Variants in GABRB1 observed in about 807,000 individuals in gnomAD.
GABRB1 encodes gamma-aminobutyric acid receptor subunit beta-1.
Under a neutral mutation model 51.6 loss-of-function variants are expected in GABRB1, and 17 were observed. The ratio of observed to expected loss-of-function variants is 0.33; its 90% CI spans 0.23 to 0.49. The LOEUF is 0.49. GABRB1 is among the 20% of genes least tolerant of loss of function. The probability of loss-of-function intolerance (pLI) is 0.99; values close to 1 mark genes in which losing one functional copy is unlikely to be tolerated. For missense variants in GABRB1, 410 were observed against 600.6 expected (o/e 0.68, Z 3.32); for synonymous variants, 247 against 218.9 (o/e 1.13, Z -1.14).
intron 5 of GABRB1, among the ~76,000 whole-genome samples, chr4:47,392,338 CTT>C (rs5858067): frequency 2.8e-4 from 36 of 130,806 alleles, no homozygotes; most frequent in Admixed American, 1.2e-3. Flanking sequence ...TCCCTTCCAC[CTT>C]TTTTTTTTTT....
At chr4:47,167,316 G>A (rs770954437) in intron 4 of GABRB1, among the ~76,000 whole-genome samples, 6 of 151,942 alleles carry the variant, frequency 3.9e-5, no homozygotes, top group Admixed American at 2.0e-4. Flanking sequence ...CCATGTGCGC[G>A]CTGAAACACT....
intron 5 of GABRB1, among the ~76,000 whole-genome samples, chr4:47,392,425 C>T (rs1728031653): frequency 6.6e-6 from 1 of 150,766 alleles, no homozygotes; most frequent in African/African-American, 2.5e-5. Context: ...TCACTGCAAC[C>T]TCTGCCTCCC....
At chr4:47,248,079 T>G (rs747009338) in intron 4 of GABRB1, among the ~76,000 whole-genome samples, 1 of 152,102 alleles carries the variant, frequency 6.6e-6, no homozygotes, top group Non-Finnish European at 1.5e-5. Context: ...TGAACATCCT[T>G]GTCTTATTCC....
chr4:47,029,817 A>C (rs1424852271), upstream of GABRB1, among the ~76,000 whole-genome samples: 2 of 152,126 alleles, frequency 1.3e-5, no homozygotes, highest in Non-Finnish European at 2.9e-5. Context: ...TTCTCTTAAA[A>C]TAGAGGAGTA....
At chr4:47,157,153 C>G (rs1275762639) in intron 3 of GABRB1, among the ~76,000 whole-genome samples, 1 of 151,726 alleles carries the variant, frequency 6.6e-6, no homozygotes, top group Non-Finnish European at 1.5e-5. Context: ...CAAAGAATTC[C>G]CTATGGCCCA....
chr4:47,056,682 C>CA (rs939718616), intron 3 of GABRB1, among the ~76,000 whole-genome samples: 12 of 150,698 alleles, frequency 8.0e-5, no homozygotes, highest in African/African-American at 2.9e-4. Context: ...AGAAGGGCTA[C>CA]AAAAAAAAGG....
intron 4 of GABRB1, among the ~76,000 whole-genome samples, chr4:47,218,412 T>C (rs1349105484): frequency 2.0e-5 from 3 of 151,898 alleles, no homozygotes; most frequent in Non-Finnish European, 4.4e-5. Context: ...GAAACCTCCA[T>C]AGTTTTTTGC....
chr4:47,031,876 T>C (rs1452295192), intron 1 of GABRB1, 38 bp from the exon 2 acceptor site: 4 of 1,577,412 alleles, frequency 2.5e-6, no homozygotes, highest in African/African-American at 2.7e-5. Flanking sequence ...TCACAGTTTG[T>C]GCTCATTTTG....
intron 5 of GABRB1, among the ~76,000 whole-genome samples, chr4:47,347,828 T>C (rs1050670246): frequency 3.3e-5 from 5 of 152,194 alleles, no homozygotes; most frequent in Admixed American, 2.0e-4. Flanking sequence ...ACAATGAAGA[T>C]GATGTTAACA....
chr4:47,242,728 G>C lies in GABRB1; in HGVS notation c.462-77399G>C, dbSNP rs186199004. Among the ~76,000 whole-genome samples the C allele has an allele frequency of 7.3e-3, 1,115 of 152,172 alleles. 9 individuals are homozygous for C. The highest frequency in any genetic ancestry group is 0.025 in the African/African-American group (1,056 of 41,516). On this transcript the variant is annotated intron_variant, in intron 4 of 8. Coordinates refer to ENST00000295454, the MANE Select transcript of GABRB1 (RefSeq NM_000812.4). ...CATATCCTTTGCCCACTTTTTGATGGGGTTGTTTGATTTTTTCTTGTAAAT... is the reference window on the plus strand; with the variant it reads ...CATATCCTTTGCCCACTTTTTGATGCGGTTGTTTGATTTTTTCTTGTAAAT...
chr4:47,243,803 T>A (rs867370687), intron 4 of GABRB1, among the ~76,000 whole-genome samples: 2 of 152,230 alleles, frequency 1.3e-5, no homozygotes, highest in African/African-American at 4.8e-5. Flanking sequence ...TGGGGTTTTC[T>A]AAATCTATAA....
intron 8 of GABRB1, among the ~76,000 whole-genome samples, chr4:47,424,231 T>G (rs895380503): frequency 3.3e-5 from 5 of 152,226 alleles, no homozygotes; most frequent in Non-Finnish European, 7.3e-5. Flanking sequence ...TAGAAAGAGC[T>G]TGAGCTTTGA....
intron 5 of GABRB1, among the ~76,000 whole-genome samples, chr4:47,327,566 G>C (rs1200878354): frequency 6.6e-6 from 1 of 152,032 alleles, no homozygotes; most frequent in African/African-American, 2.4e-5. Flanking sequence ...TCAGACAAAG[G>C]TAACACTTAG....
At chr4:47,070,617 C>A (rs1371622700) in intron 3 of GABRB1, among the ~76,000 whole-genome samples, 1 of 152,122 alleles carries the variant, frequency 6.6e-6, no homozygotes, top group Admixed American at 6.5e-5. Flanking sequence ...CAGCCATGAG[C>A]CACCGCGCCC....
chr4:47,337,673 G>A (rs922397572), intron 5 of GABRB1, among the ~76,000 whole-genome samples: 1 of 151,790 alleles, frequency 6.6e-6, no homozygotes, highest in African/African-American at 2.4e-5. Flanking sequence ...AGCTAGGTTT[G>A]GTGGCACACA....
intron 3 of GABRB1, among the ~76,000 whole-genome samples, chr4:47,059,890 C>T (rs1726773958): frequency 6.6e-6 from 1 of 152,196 alleles, no homozygotes; most frequent in African/African-American, 2.4e-5. Context: ...GTAAAATCTA[C>T]CCGCTGTCAA....
intron 4 of GABRB1, among the ~76,000 whole-genome samples, chr4:47,211,926 C>T (rs748095991): frequency 3.3e-5 from 5 of 152,110 alleles, no homozygotes; most frequent in Non-Finnish European, 7.4e-5. Context: ...AGCACCCAGG[C>T]AAATAATCCA....
At chr4:47,107,249 A>G (rs895991952) in intron 3 of GABRB1, among the ~76,000 whole-genome samples, 3 of 152,012 alleles carry the variant, frequency 2.0e-5, no homozygotes, top group Non-Finnish European at 4.4e-5. Context: ...CACTACCATC[A>G]ATATTAAGTG....
At chr4:47,261,117 G>A (rs562854451) in intron 4 of GABRB1, among the ~76,000 whole-genome samples, 9 of 152,266 alleles carry the variant, frequency 5.9e-5, no homozygotes, top group Admixed American at 2.0e-4. Flanking sequence ...AAAACTGGAC[G>A]CATTCCCTTT....
Sources: allele counts gnomAD v4.1 joint callset (sites outside exome capture counted in the v4.1 genomes callset), GRCh38; gene constraint gnomAD v4.1.1; transcripts MANE v1.5; gene names NCBI Gene and HGNC (gene_info 2026-07-23, HGNC 2026-07-21).